POLR3B: variants seen among roughly 807,000 people sequenced by gnomAD.
The protein encoded by POLR3B is DNA-directed RNA polymerase III subunit RPC2.
In POLR3B, 96 loss-of-function variants were observed where a neutral mutation model predicts 147.4. The observed-to-expected ratio is 0.65, with a 90% confidence interval of 0.55 to 0.77. The LOEUF (loss-of-function observed/expected upper bound fraction) is 0.77, where lower values mean the gene tolerates loss of function less well. Ranked by LOEUF, POLR3B falls within the 30% of genes least tolerant of loss-of-function variation. POLR3B has a pLI of 0.00. For synonymous variants in POLR3B, 461 were observed against 485.9 expected, an observed-to-expected ratio of 0.95 and a Z score of 0.67; for missense variants, 1,036 against 1,413.5, an observed-to-expected ratio of 0.73 and a Z score of 4.28.
In POLR3B at chr12:106,402,336, T is replaced by C. The variant is rs368443627; in HGVS notation, c.847-3521T>C. On this transcript the variant is annotated intron_variant, in intron 10 of 27. Transcript: ENST00000228347. ...GGATACAAACAAATGGAAGAACATT[T>C]CATGCTCATGGGTAGGAAGAATCAA... Among the ~76,000 whole-genome samples the C allele has an allele frequency of 1.8e-4, 27 of 152,136 alleles. 1 individual carries two copies. In the East Asian group the frequency reaches 3.3e-3, roughly 19 times the overall value.
intron 10 of POLR3B, among the ~76,000 whole-genome samples, chr12:106,404,473 G>A (rs1593022298): frequency 6.6e-6 from 1 of 152,192 alleles, no homozygotes; most frequent in Admixed American, 6.5e-5. Flanking sequence ...TCTAATGGGT[G>A]TATAGTGGTA....
intron 12 of POLR3B, among the ~76,000 whole-genome samples, chr12:106,422,390 T>C (rs903328438): frequency 6.6e-6 from 1 of 152,236 alleles, no homozygotes; most frequent in African/African-American, 2.4e-5. Flanking sequence ...ATGGCCAGCA[T>C]CATGCTTCCT....
At chr12:106,391,893 C>T (rs1459989230) in intron 9 of POLR3B, among the ~76,000 whole-genome samples, 1 of 152,274 alleles carries the variant, frequency 6.6e-6, no homozygotes, top group Admixed American at 6.5e-5. Flanking sequence ...CACAATTATC[C>T]TCTGGTTCTG....
At chr12:106,500,114 TAG>T (rs1195859992) in intron 25 of POLR3B, 2 of 456,044 alleles carry the variant, frequency 4.4e-6, no homozygotes, top group South Asian at 3.1e-5. Context: ...ATCTTCAAAA[TAG>T]AGGTGACAGT....
intron 11 of POLR3B, among the ~76,000 whole-genome samples, chr12:106,407,837 A>C (rs1022480445): frequency 2.6e-5 from 4 of 152,172 alleles, no homozygotes; most frequent in African/African-American, 9.7e-5. Flanking sequence ...CTCAAAAAAA[A>C]AAAATCATTT....
At chr12:106,445,621 G>T (rs533139548) in intron 19 of POLR3B, among the ~76,000 whole-genome samples, 76 of 152,164 alleles carry the variant, frequency 5.0e-4, no homozygotes, top group African/African-American at 1.8e-3. Context: ...TACTTATAAA[G>T]CTTTTTGAAA....
rs780838654 is a variant in POLR3B, at chr12:106,510,041, A to T, written c.*492A>T. 5.8e-4 allele frequency: 100 copies of T among 171,708 alleles called. No individual in the cohort carries two copies. Among genetic ancestry groups the T allele is most frequent in the Non-Finnish European group, 9.5e-4 (75 of 79,330 alleles). 10.6% of individuals were successfully genotyped at this position (171,708 alleles called of 1,614,324 possible). A position where few individuals can be genotyped will look rare whatever the true frequency, so the allele number is the denominator to read the frequency against. Reference sequence around the variant, plus strand: ...CCCAACAATTAAATCTTGCCTTTACACACCCAAACTTTGTAATTTTAGTCT... The same window carrying T: ...CCCAACAATTAAATCTTGCCTTTACTCACCCAAACTTTGTAATTTTAGTCT... On this transcript the variant is annotated 3_prime_UTR_variant, in exon 28 of 28. Transcript: ENST00000228347.
chr12:106,437,756 A>G lies in POLR3B; in HGVS notation c.1932A>G (p.Ala644=), dbSNP rs1490307354. The G allele has an allele frequency of 5.0e-6, 8 of 1,588,654 alleles. No individual in the cohort carries two copies. The highest frequency in any genetic ancestry group is 6.9e-6 in the Non-Finnish European group (8 of 1,157,068). The change falls in exon 18 of 28, where the codon GCA becomes GCG. Residue 644 remains alanine, a synonymous_variant. Transcript: ENST00000228347. The stretch of plus-strand genomic sequence containing the variant: ...ATGAAGAAAATGATTGTAACATTGC[A>G]CTGTACGAACACACAATTAATAAGT... ...DVNEENDCNI[A]LYEHTINKDT... is the part of the protein sequence containing the mutation.
intron 23 of POLR3B, among the ~76,000 whole-genome samples, chr12:106,477,470 C>T (rs1441193843): frequency 7.0e-6 from 1 of 141,934 alleles, no homozygotes; most frequent in Non-Finnish European, 1.5e-5. Context: ...AGCCTCGCTG[C>T]CGCCTTGCCG....
At chr12:106,387,482 G>T (rs1453697115) in intron 9 of POLR3B, among the ~76,000 whole-genome samples, 2 of 151,922 alleles carry the variant, frequency 1.3e-5, no homozygotes, top group East Asian at 1.9e-4. Flanking sequence ...TTTAAACTTG[G>T]TGCATGTTGC....
At chr12:106,453,737 A>G (rs2037829289) in intron 19 of POLR3B, among the ~76,000 whole-genome samples, 1 of 152,122 alleles carries the variant, frequency 6.6e-6, no homozygotes, top group Non-Finnish European at 1.5e-5. Flanking sequence ...GGGAAATGAG[A>G]GAAAGGGTTA....
intron 14 of POLR3B, 39 bp downstream of exon 14, chr12:106,430,512 G>A (rs377581750): frequency 4.1e-5 from 62 of 1,522,938 alleles, no homozygotes; most frequent in Non-Finnish European, 5.4e-5. Flanking sequence ...TGTAAGAGGC[G>A]ATACCTATGT....
At chr12:106,490,308 C>G (rs559870919) in intron 23 of POLR3B, among the ~76,000 whole-genome samples, 61 of 152,254 alleles carry the variant, frequency 4.0e-4, no homozygotes, top group Non-Finnish European at 7.6e-4. Context: ...ACAATAGTTG[C>G]TTGCAAAAGC....
At chr12:106,392,699 T>A (rs1184556622) in intron 9 of POLR3B, among the ~76,000 whole-genome samples, 5 of 152,248 alleles carry the variant, frequency 3.3e-5, no homozygotes, top group Non-Finnish European at 5.9e-5. Context: ...GTCTTTACAG[T>A]TTGCCTTTGT....
intron 10 of POLR3B, among the ~76,000 whole-genome samples, chr12:106,402,731 G>A (rs530201843): frequency 0.026 from 3,979 of 152,254 alleles, 84 homozygotes; most frequent in Middle Eastern, 0.051. Flanking sequence ...TTTAATAAAC[G>A]GTGCTGGGAA....
rs370376465 is a variant in POLR3B, at chr12:106,410,883, G to A, written c.1024G>A (p.Val342Ile). 17 of 1,613,672 alleles carry A rather than the reference G, an allele frequency of 1.1e-5. No homozygotes were observed. The highest frequency in any genetic ancestry group is 6.7e-5 in the African/African-American group (5 of 74,918). ...CIYTAVMVRR[V>I]ILAQGDNKVD... The stretch of plus-strand genomic sequence containing the variant: ...CTATACTGCAGTGATGGTGCGAAGA[G>A]TTATTCTGGCCCAAGGAGATAATAA... The change falls in exon 12 of 28, where the codon GTT becomes ATT. Residue 342 changes from valine to isoleucine, a missense_variant. Around this residue, in one of 12 missense-constraint regions of POLR3B, gnomAD observed 217 missense variants for 288.7 expected, o/e 0.75. Coordinates refer to ENST00000228347, the MANE Select transcript of POLR3B (RefSeq NM_018082.6).
chr12:106,363,750 TA>T (rs1469648051), intron 1 of POLR3B, 119 bp from the exon 2 acceptor site: 18 of 858,912 alleles, frequency 2.1e-5, no homozygotes, highest in Non-Finnish European at 3.3e-5. Context: ...TAAAAATGTT[TA>T]AAAATTATTC....
At chr12:106,437,314 G>A (rs975740049) in intron 17 of POLR3B, among the ~76,000 whole-genome samples, 183 bp downstream of exon 17, 2 of 152,198 alleles carry the variant, frequency 1.3e-5, no homozygotes, top group Admixed American at 1.3e-4. Context: ...TAGATCATGA[G>A]GGTTACCTAG....
chr12:106,383,202 A>G (rs1312568216), intron 9 of POLR3B, among the ~76,000 whole-genome samples: 1 of 152,182 alleles, frequency 6.6e-6, no homozygotes, highest in African/African-American at 2.4e-5. Context: ...GCTTTGACTT[A>G]AGGGAATGTT....
Sources: allele counts gnomAD v4.1 joint callset (sites outside exome capture counted in the v4.1 genomes callset), GRCh38; gene constraint gnomAD v4.1.1; regional missense constraint gnomAD v4.1.1; transcripts MANE v1.5; gene names NCBI Gene and HGNC (gene_info 2026-07-23, HGNC 2026-07-21).